Variants in ASCC3 observed in about 807,000 individuals in gnomAD.
The protein encoded by ASCC3 is ASC-1 complex subunit P200.
A neutral mutation model predicts 256.3 loss-of-function variants in ASCC3; 158 were observed. The ratio of observed to expected loss-of-function variants is 0.62; its 90% CI spans 0.54 to 0.70. ASCC3 has a LOEUF of 0.70. Among genes scored for constraint, ASCC3 ranks in the 30% least tolerant of loss-of-function variants. The pLI, the probability that ASCC3 is intolerant of heterozygous loss-of-function variation, is 0.00. For missense variants in ASCC3, 2,259 were observed against 2,626.0 expected (o/e 0.86, Z 3.05); for synonymous variants, 948 against 883.4 (o/e 1.07, Z -1.30).
intron 4 of ASCC3, among the ~76,000 whole-genome samples, chr6:100,829,485 C>T (rs1374265617): frequency 2.6e-5 from 4 of 151,962 alleles, no homozygotes; most frequent in East Asian, 1.9e-4. Context: ...GTTCTGAGTG[C>T]GGGGCCCACC....
At chr6:100,632,064 G>A (rs1182240981) in intron 25 of ASCC3, among the ~76,000 whole-genome samples, 13 of 147,766 alleles carry the variant, frequency 8.8e-5, no homozygotes, top group Non-Finnish European at 1.6e-4. Flanking sequence ...TTAAGAACAA[G>A]AAAACTCTAA....
intron 36 of ASCC3, among the ~76,000 whole-genome samples, chr6:100,546,236 T>C (rs1206029949): frequency 6.6e-6 from 1 of 152,088 alleles, no homozygotes; most frequent in Non-Finnish European, 1.5e-5. Flanking sequence ...AAAACACTGC[T>C]AGGAAAAAAT....
At chr6:100,738,599 T>C (rs946830288) in intron 10 of ASCC3, among the ~76,000 whole-genome samples, 3 of 152,232 alleles carry the variant, frequency 2.0e-5, no homozygotes, top group Non-Finnish European at 4.4e-5. Context: ...ATCACTACCA[T>C]GCTGTTTTGG....
chr6:100,792,360 AT>A (rs905740190), intron 8 of ASCC3, among the ~76,000 whole-genome samples: 4 of 151,724 alleles, frequency 2.6e-5, no homozygotes, highest in African/African-American at 7.2e-5. Flanking sequence ...AAATGTATGA[AT>A]TTTTTTTGGT....
chr6:100,601,304 C>G (rs1772597829), intron 34 of ASCC3, among the ~76,000 whole-genome samples: 2 of 152,114 alleles, frequency 1.3e-5, no homozygotes, highest in Non-Finnish European at 2.9e-5. Context: ...ATTTTTACAT[C>G]TCAGTGTTTA....
chr6:100,512,934 AAAG>A lies in ASCC3; in HGVS notation c.6076-19_6076-17del. 6.2e-7 allele frequency: 1 copy of A among 1,606,834 alleles called. No individual in the cohort carries two copies. The highest frequency in any genetic ancestry group is 1.3e-5 in the African/African-American group (1 of 74,912). On this transcript the variant is annotated splice_polypyrimidine_tract_variant and intron_variant, in intron 39 of 41. Coordinates refer to ENST00000369162, the MANE Select transcript of ASCC3 (RefSeq NM_006828.4). ...AATTCCATGCCTAAATAAAAAGAGAAAAGAAACAATAAAGGAGGAGTTTATGTG... is the reference window on the plus strand; with the variant it reads ...AATTCCATGCCTAAATAAAAAGAGAAAAACAATAAAGGAGGAGTTTATGTG...
intron 37 of ASCC3, among the ~76,000 whole-genome samples, chr6:100,537,936 C>A (rs994784651): frequency 6.7e-6 from 1 of 150,038 alleles, no homozygotes; most frequent in Non-Finnish European, 1.5e-5. Flanking sequence ...ATAAAAATAT[C>A]TAATAGAGGC....
At chr6:100,707,837 A>C (rs1252977499) in intron 13 of ASCC3, among the ~76,000 whole-genome samples, 1 of 152,130 alleles carries the variant, frequency 6.6e-6, no homozygotes, top group Non-Finnish European at 1.5e-5. Flanking sequence ...CTGTAGAAAA[A>C]TTGCAGTTCC....
At chr6:100,540,428 T>C (rs1314773274) in intron 36 of ASCC3, 41 bp from the exon 37 acceptor site, 3 of 1,476,314 alleles carry the variant, frequency 2.0e-6, no homozygotes. Context: ...GATCAAAGTA[T>C]AATAATTAAT....
chr6:100,862,892 TC>T (rs1394249395), intron 3 of ASCC3, among the ~76,000 whole-genome samples: 2 of 152,082 alleles, frequency 1.3e-5, no homozygotes, highest in African/African-American at 4.8e-5. Flanking sequence ...CAAAAAGGGA[TC>T]TACCATCATT....
intron 14 of ASCC3, among the ~76,000 whole-genome samples, chr6:100,673,169 A>T (rs928731367): frequency 1.3e-5 from 2 of 152,128 alleles, no homozygotes; most frequent in Non-Finnish European, 2.9e-5. Flanking sequence ...ATAAGTTGGC[A>T]TTCCAGAGAG....
chr6:100,818,568 C>CAAAA (rs529493065), intron 4 of ASCC3, among the ~76,000 whole-genome samples: 4 of 103,186 alleles, frequency 3.9e-5, no homozygotes, highest in African/African-American at 1.1e-4. Context: ...GACTCCGTCT[C>CAAAA]AAAAAAAAAA....
rs966186693 is a variant in ASCC3 at position 100,848,467 on chromosome 6, A to T, written c.482T>A (p.Val161Asp). 1 of 1,611,374 alleles carries T rather than the reference A, an allele frequency of 6.2e-7. No individual in the cohort carries two copies. The highest frequency in any genetic ancestry group is 8.5e-7 in the Non-Finnish European group (1 of 1,178,674). The change falls in exon 4 of 42, where the codon GTT (valine) becomes GAT (aspartate). Residue 161 changes from valine (V) to aspartate (D), a missense_variant. Around this residue, in one of 2 missense-constraint regions of ASCC3, gnomAD observed 420 missense variants for 419.3 expected, o/e 1.00. Transcript: ENST00000369162. The part of the protein sequence containing the change: ...QMTEKEHGDR[V>D]FFGKNLAFSF... Reference sequence around the variant, plus strand: ...AAATGCTAAATTTTTACCAAAAAAAACCCTATCGCCATGTTCTTTTTCTGT... The same window carrying T: ...AAATGCTAAATTTTTACCAAAAAAATCCCTATCGCCATGTTCTTTTTCTGT...
chr6:100,810,275 A>C (rs1256697750), intron 4 of ASCC3, among the ~76,000 whole-genome samples: 1 of 152,000 alleles, frequency 6.6e-6, no homozygotes, highest in Non-Finnish European at 1.5e-5. Flanking sequence ...CAGCACAGTA[A>C]CCTCTCCTTT....
chr6:100,512,840 C>G lies in ASCC3; in HGVS notation c.6154G>C (p.Gly2052Arg), dbSNP rs371946730. 1 of 1,613,942 alleles carries G rather than the reference C, an allele frequency of 6.2e-7. No homozygotes were observed. Among genetic ancestry groups the G allele is most frequent in the Non-Finnish European group, 8.5e-7 (1 of 1,179,994 alleles). ...GTTGAGACAGAGAGTTCATTATGTC[C>G]TTCAACTAAGTCATCCCACGAGCCT... ...VKGSWDDLVE[G>R]HNELSVSTLT... is the part of the protein sequence containing the mutation. The change falls in exon 40 of 42, where the codon GGA becomes CGA. Residue 2052 changes from glycine (G) to arginine (R), a missense_variant. By Grantham distance (125) the Gly-to-Arg change is moderately radical (BLOSUM62 -2). This residue lies in a region of ASCC3 where 1,839 missense variants were observed against 2,206.7 expected (regional missense o/e 0.83). Coordinates refer to ENST00000369162, the MANE Select transcript of ASCC3 (RefSeq NM_006828.4).
chr6:100,641,315 C>G (rs1775110359), intron 24 of ASCC3, among the ~76,000 whole-genome samples: 1 of 152,108 alleles, frequency 6.6e-6, no homozygotes, highest in South Asian at 2.1e-4. Flanking sequence ...AGGGATAAAA[C>G]TAATATAAAG....
chr6:100,569,370 C>T (rs73500956), intron 36 of ASCC3, among the ~76,000 whole-genome samples: 3,105 of 151,758 alleles, frequency 0.02, 102 homozygotes, highest in African/African-American at 0.073. Context: ...GTTACTGTAA[C>T]CTTTTTTTAT....
In ASCC3 at chr6:100,508,498, G is replaced by C. The variant is rs1406990944; in HGVS notation, c.*888C>G. 6.6e-6 allele frequency: 1 copy of C among 152,000 alleles called. No homozygotes were observed. The highest frequency in any genetic ancestry group is 1.5e-5 in the Non-Finnish European group (1 of 67,956). The allele number at this position is 152,000 out of a possible 1,614,324, so 9.4% of individuals were successfully genotyped here. A position where few individuals can be genotyped will look rare whatever the true frequency, so the allele number is the denominator to read the frequency against. On this transcript the variant is annotated 3_prime_UTR_variant, in exon 42 of 42. Coordinates refer to ENST00000369162, the MANE Select transcript of ASCC3 (RefSeq NM_006828.4). ...ATTACAGGTGAAAACCTATCCATAG[G>C]GGTGAAAAATTTTCTGTCTCAGATT...
intron 37 of ASCC3, among the ~76,000 whole-genome samples, chr6:100,520,239 A>G (rs1774234318): frequency 1.3e-5 from 2 of 152,044 alleles, no homozygotes; most frequent in African/African-American, 4.8e-5. Context: ...AGGTTTCTTT[A>G]ATGGTTTTAC....
Sources: gnomAD v4.1 joint callset for allele counts (sites outside exome capture counted in the v4.1 genomes callset) on GRCh38, gnomAD v4.1.1 for gene constraint, gnomAD v4.1.1 regional missense constraint, MANE v1.5 for transcripts, NCBI Gene and HGNC (gene_info 2026-07-23, HGNC 2026-07-21) for gene names.